Variants in KLHL1 observed in about 807,000 individuals in gnomAD.
The protein encoded by KLHL1 is kelch-like protein 1.
In KLHL1, 47 loss-of-function variants were observed where a neutral mutation model predicts 77.7. The observed-to-expected ratio is 0.60, with a 90% CI of 0.48 to 0.77. The LOEUF (loss-of-function observed/expected upper bound fraction) is 0.77, where lower values mean the gene tolerates loss of function less well. KLHL1 is among the 30% of genes least tolerant of loss of function. The probability of loss-of-function intolerance (pLI) is 0.00; values close to 1 mark genes in which losing one functional copy is unlikely to be tolerated. For synonymous variants in KLHL1, 360 were observed against 325.2 expected (o/e 1.11, Z -1.15); for missense variants, 925 against 910.8 (o/e 1.02, Z -0.20).
intron 7 of KLHL1, among the ~76,000 whole-genome samples, chr13:69,763,630 A>T (rs1326031815): frequency 1.3e-5 from 2 of 152,230 alleles, no homozygotes; most frequent in Non-Finnish European, 2.9e-5. Flanking sequence ...TGGTAGTAGC[A>T]CTAAAGCCCC....
intron 2 of KLHL1, 45 bp from the exon 3 acceptor site, chr13:69,961,489 G>GA: frequency 6.2e-7 from 1 of 1,604,484 alleles, no homozygotes; most frequent in East Asian, 2.2e-5. Flanking sequence ...ATGTAAGGCA[G>GA]AAAATCACTG....
At chr13:69,822,706 C>T (rs1878384147) in intron 6 of KLHL1, among the ~76,000 whole-genome samples, 1 of 151,870 alleles carries the variant, frequency 6.6e-6, no homozygotes, top group Non-Finnish European at 1.5e-5. Flanking sequence ...GGCCAAGTAT[C>T]TATTAAGAAT....
chr13:70,071,682 C>T (rs1259425912), intron 1 of KLHL1, among the ~76,000 whole-genome samples: 1 of 152,002 alleles, frequency 6.6e-6, no homozygotes, highest in East Asian at 1.9e-4. Context: ...AAAAGGATAA[C>T]TGGAAAATCT....
intron 5 of KLHL1, among the ~76,000 whole-genome samples, chr13:69,845,887 A>T (rs2911507): frequency 0.89 from 134,441 of 151,216 alleles, 60,909 homozygotes; most frequent in East Asian, 0.99. Flanking sequence ...AGATGTCGAT[A>T]TTTGAAAAAA....
chr13:69,875,459 A>T (rs1220638997), intron 5 of KLHL1, among the ~76,000 whole-genome samples: 1 of 152,096 alleles, frequency 6.6e-6, no homozygotes, highest in Non-Finnish European at 1.5e-5. Context: ...TGCAAAATAG[A>T]TCCAGTGGAA....
Position 70,092,548 on chromosome 13 carries a change from A to C in KLHL1, c.497+14655T>G, listed in dbSNP as rs74093244. 1.4e-3 allele frequency among the ~76,000 whole-genome samples: 207 copies of C among 152,324 alleles called. 2 individuals are homozygous for C. Among genetic ancestry groups the C allele is most frequent in the African/African-American group, 4.8e-3 (201 of 41,588 alleles). ...TATAGCACACAGCTTTTATATTATT[A>C]GATACAAAGTTTAATTAATGAAAAA... is the stretch of plus-strand genomic sequence containing the variant. On this transcript the variant is annotated intron_variant, in intron 1 of 10. Transcript: ENST00000377844.
chr13:69,852,540 C>T (rs1401576751), intron 5 of KLHL1, among the ~76,000 whole-genome samples: 1 of 151,946 alleles, frequency 6.6e-6, no homozygotes, highest in African/African-American at 2.4e-5. Flanking sequence ...ATTTGACTCA[C>T]ACTAATTAGA....
intron 7 of KLHL1, among the ~76,000 whole-genome samples, chr13:69,788,605 T>C (rs1876690848): frequency 6.6e-6 from 1 of 152,152 alleles, no homozygotes; most frequent in South Asian, 2.1e-4. Context: ...GGCACATGTA[T>C]GCATATGTAA....
At chr13:69,806,019 A>G (rs1877601861) in intron 6 of KLHL1, among the ~76,000 whole-genome samples, 1 of 152,156 alleles carries the variant, frequency 6.6e-6, no homozygotes, top group African/African-American at 2.4e-5. Context: ...ATTACTGATG[A>G]AGAATAGCTA....
At chr13:70,034,583 G>C (rs1886193187) in intron 1 of KLHL1, among the ~76,000 whole-genome samples, 1 of 152,130 alleles carries the variant, frequency 6.6e-6, no homozygotes. Context: ...TCTCTTGTCA[G>C]AAACAGAAAA....
intron 9 of KLHL1, among the ~76,000 whole-genome samples, chr13:69,714,366 C>A (rs1364841120): frequency 1.3e-5 from 2 of 151,966 alleles, no homozygotes; most frequent in African/African-American, 4.8e-5. Context: ...GCAGTTGTCA[C>A]AATAAACCTT....
At chr13:70,022,651 C>A (rs565776364) in intron 1 of KLHL1, among the ~76,000 whole-genome samples, 18 of 151,918 alleles carry the variant, frequency 1.2e-4, no homozygotes, top group African/African-American at 4.3e-4. Context: ...ACAATACAAA[C>A]AAATATCCTT....
intron 1 of KLHL1, among the ~76,000 whole-genome samples, chr13:70,045,681 C>T (rs1886477485): frequency 6.6e-6 from 1 of 152,120 alleles, no homozygotes; most frequent in African/African-American, 2.4e-5. Context: ...CTTATAAACA[C>T]ATATGGAGTT....
Position 69,701,539 on chromosome 13 carries a change from T to C in KLHL1, c.*163A>G. 1 of 583,054 alleles carries C rather than the reference T, an allele frequency of 1.7e-6. No individual in the cohort carries two copies. The highest frequency in any genetic ancestry group is 3.1e-6 in the Non-Finnish European group (1 of 326,852). 36.1% of individuals were successfully genotyped at this position (583,054 alleles called of 1,614,324 possible). On this transcript the variant is annotated 3_prime_UTR_variant, in exon 11 of 11. Coordinates refer to ENST00000377844, the MANE Select transcript of KLHL1 (RefSeq NM_020866.3). ...ATAAGTTTAATGTTTTCTTGTTTCC[T>C]ACTATTCTGTTTGATCTACTAACTC...
intron 9 of KLHL1, among the ~76,000 whole-genome samples, chr13:69,716,798 T>C (rs1834123): frequency 0.49 from 74,027 of 151,976 alleles, 19,497 homozygotes; most frequent in East Asian, 0.67. Context: ...CTGTATAGCA[T>C]AGTGCCAAAT....
At chr13:69,872,497 A>G (rs1386482479) in intron 5 of KLHL1, among the ~76,000 whole-genome samples, 1 of 152,094 alleles carries the variant, frequency 6.6e-6, no homozygotes. Flanking sequence ...CTTCATTACC[A>G]TAATACACAA....
At chr13:70,043,139 T>C (rs1301722980) in intron 1 of KLHL1, among the ~76,000 whole-genome samples, 1 of 152,052 alleles carries the variant, frequency 6.6e-6, no homozygotes, top group African/African-American at 2.4e-5. Flanking sequence ...TCCCGACCTC[T>C]GGTGATCCAC....
intron 4 of KLHL1, among the ~76,000 whole-genome samples, chr13:69,898,528 A>G (rs1026633405): frequency 6.6e-6 from 1 of 152,196 alleles, no homozygotes; most frequent in African/African-American, 2.4e-5. Context: ...ACCACCAATG[A>G]GACCCTTGTC....
intron 1 of KLHL1, among the ~76,000 whole-genome samples, chr13:70,052,838 A>G (rs1192716350): frequency 6.6e-6 from 1 of 151,990 alleles, no homozygotes; most frequent in East Asian, 1.9e-4. Context: ...CGGAGAATAT[A>G]AGAAGATAAA....
Sources: gnomAD v4.1 joint callset for allele counts (sites outside exome capture counted in the v4.1 genomes callset) on GRCh38, gnomAD v4.1.1 for gene constraint, MANE v1.5 for transcripts, NCBI Gene and HGNC (gene_info 2026-07-23, HGNC 2026-07-21) for gene names.